Variants in TTN observed in about 807,000 individuals in gnomAD.
TTN encodes titin, also known as connectin.
TTN carries 1,525 observed loss-of-function variants against 3,223.0 expected under a neutral mutation model. The ratio of observed to expected loss-of-function variants is 0.47; its 90% confidence interval spans 0.45 to 0.49. The LOEUF (loss-of-function observed/expected upper bound fraction) is 0.49. TTN is among the 20% of genes least tolerant of loss of function. TTN has a pLI of 0.00. For synonymous variants in TTN, 14,094 were observed against 15,161.0 expected, an observed-to-expected ratio of 0.93 and a Z score of 5.17; for missense variants, 40,786 against 43,424.0, an observed-to-expected ratio of 0.94 and a Z score of 5.40.
At chr2:178,630,662 C>G in intron 238 of TTN, 142 bp downstream of exon 238, 1 of 1,280,058 alleles carries the variant, frequency 7.8e-7, no homozygotes, top group African/African-American at 1.5e-5. Flanking sequence ...ATTCATAGAC[C>G]CTGACATCTC....
chr2:178,741,270 T>G lies in TTN; in HGVS notation c.11963A>C (p.His3988Pro). The change falls in exon 48 of 363, where the codon CAT becomes CCT. Residue 3988 changes from histidine (H) to proline (P), a missense_variant. Coordinates refer to ENST00000589042, the MANE Select transcript of TTN (RefSeq NM_001267550.2). ...LCTSVYYTII[H>P]NPNGSGTFIV... ...GAAAGTTCCAGAGCCATTAGGGTTA[T>G]GAATGATAGTGTAATAAACACTGGT... The G allele has an allele frequency of 6.2e-7, 1 of 1,613,910 alleles. No individual in the cohort carries two copies.
intron 263 of TTN, 22 bp from the exon 264 acceptor site, chr2:178,613,298 T>C: frequency 1.3e-6 from 2 of 1,549,926 alleles, no homozygotes; most frequent in Non-Finnish European, 1.8e-6. Flanking sequence ...ACAAAGTGCA[T>C]GTGTATCATC....
At chr2:178,794,330 A>G in intron 8 of TTN, 69 bp downstream of exon 8, 1 of 1,604,968 alleles carries the variant, frequency 6.2e-7, no homozygotes, top group Admixed American at 1.7e-5. Flanking sequence ...AGCTCAGTGG[A>G]TGGTGGTTGA....
chr2:178,795,879 G>T (rs143431363), intron 6 of TTN, among the ~76,000 whole-genome samples: 88 of 152,260 alleles, frequency 5.8e-4, no homozygotes, highest in African/African-American at 2.0e-3. Flanking sequence ...TGCTTTAGCC[G>T]AAGTGTTTGT....
intron 48 of TTN, 103 bp from the exon 49 acceptor site, chr2:178,738,463 A>C: frequency 7.3e-7 from 1 of 1,371,084 alleles, no homozygotes. Context: ...AAAACAGTTG[A>C]AATTGGTGAG....
At position 178,588,041 on chromosome 2, in the gene TTN, TGCA is replaced by T; in HGVS notation, c.63363_63365del (p.Ala21123del). 1 of 1,613,072 alleles carries T rather than the reference TGCA, an allele frequency of 6.2e-7. No homozygotes were observed. ...TGAATTCCTTGCGTACAAGCTGTGC[TGCA>T]GCATTACACCGTTTCCAGCCTTCAT... is the stretch of plus-strand genomic sequence containing the variant. On this transcript the variant is annotated inframe_deletion, in exon 305 of 363. Coordinates refer to ENST00000589042, the MANE Select transcript of TTN (RefSeq NM_001267550.2).
rs772097745 is a variant in TTN, at chr2:178,544,332, C to A, written c.95897G>T (p.Arg31966Ile). 1 of 1,613,740 alleles carries A rather than the reference C, an allele frequency of 6.2e-7. No individual in the cohort carries two copies. The change falls in exon 345 of 363, where the codon AGA becomes ATA. Residue 31966 changes from arginine (R) to isoleucine (I), a missense_variant. Coordinates refer to ENST00000589042, the MANE Select transcript of TTN (RefSeq NM_001267550.2). The part of the protein sequence containing the change: ...WYRVHTNATI[R>I]NTEFTVPDLK... ...GTCTGGCACAGTGAATTCAGTATTT[C>A]TTATTGTGGCATTGGTATGCACTCG...
In TTN at chr2:178,549,809, G is replaced by C. The variant is rs1180915423; in HGVS notation, c.91913C>G (p.Thr30638Ser). 1 of 1,606,824 alleles carries C rather than the reference G, an allele frequency of 6.2e-7. No homozygotes were observed. The highest frequency in any genetic ancestry group is 8.5e-7 in the Non-Finnish European group (1 of 1,174,574). Residue 30638 changes from threonine (T) to serine (S), a missense_variant, in exon 338 of 363, where the codon ACT (threonine) becomes AGT (serine). Thr to Ser is a moderately conservative substitution (Grantham distance 58). Coordinates refer to ENST00000589042, the MANE Select transcript of TTN (RefSeq NM_001267550.2). ...RFTNITGEKM[T>S]LWWDAPLNDG... ...ATTGAGTGGGGCATCCCACCACAGA[G>C]TCATCTTCTCCCCAGTAATATTGGT...
At chr2:178,610,447 G>A in intron 270 of TTN, 58 bp from the exon 271 acceptor site, 1 of 1,560,880 alleles carries the variant, frequency 6.4e-7, no homozygotes, top group Non-Finnish European at 8.7e-7. Flanking sequence ...TTTTAATAAT[G>A]CACTTGTCTC....
Position 178,727,316 on chromosome 2 carries a change from G to T in TTN, c.20049C>A (p.Asp6683Glu). The T allele has an allele frequency of 6.2e-7, 1 of 1,611,452 alleles. No individual in the cohort carries two copies. Among genetic ancestry groups the T allele is most frequent in the Non-Finnish European group, 8.5e-7 (1 of 1,178,512 alleles). ...CTATCTTGCATTCAAGTCGTGAAGAGTCACCTGCTTTCACAATTTTGGAGG... is the reference window on the plus strand; with the variant it reads ...CTATCTTGCATTCAAGTCGTGAAGATTCACCTGCTTTCACAATTTTGGAGG... ...LEASKIVKAG[D>E]SSRLECKIAG... Residue 6683 changes from aspartate (D) to glutamate (E), a missense_variant, in exon 69 of 363, where the codon GAC becomes GAA. Coordinates refer to ENST00000589042, the MANE Select transcript of TTN (RefSeq NM_001267550.2).
intron 279 of TTN, 44 bp from the exon 280 acceptor site, chr2:178,605,339 A>G: frequency 6.5e-7 from 1 of 1,533,664 alleles, no homozygotes; most frequent in South Asian, 1.3e-5. Context: ...AGTCATAAGG[A>G]TGTTTTTTTC....
chr2:178,547,633 T>C lies in TTN; in HGVS notation c.93993A>G (p.Gly31331=). 6.2e-7 allele frequency: 1 copy of C among 1,613,868 alleles called. No homozygotes were observed. Among genetic ancestry groups the C allele is most frequent in the Non-Finnish European group, 8.5e-7 (1 of 1,179,798 alleles). The change falls in exon 339 of 363, where the codon GGA becomes GGG. Residue 31331 remains glycine, a synonymous_variant. Transcript: ENST00000589042. The part of the protein sequence containing the change: ...VSAESCVLSW[G]EPKDGGGTEI... ...CAGTGCCTCCTCCATCTTTAGGTTC[T>C]CCCCATGACAGGACACACGATTCAG...
rs570400005 is a variant in TTN at position 178,738,110 on chromosome 2, G to A, written c.14343C>T (p.Val4781=). ...TCACAGTTAGTGTGGCTGTACAGCT[G>A]ACACTGCCATACTCATTGGAAGCTT... ...TCKASNEYGS[V]SCTATLTVTE... The change falls in exon 49 of 363, where the codon GTC becomes GTT. Residue 4781 remains valine, a synonymous_variant. Coordinates refer to ENST00000589042, the MANE Select transcript of TTN (RefSeq NM_001267550.2). 97 of 1,613,684 alleles carry A rather than the reference G, an allele frequency of 6.0e-5. No individual in the cohort carries two copies. Among genetic ancestry groups the A allele is most frequent in the Non-Finnish European group, 8.1e-5 (95 of 1,179,678 alleles).
At chr2:178,691,872 G>A in intron 121 of TTN, 144 bp downstream of exon 121, 1 of 564,428 alleles carries the variant, frequency 1.8e-6, no homozygotes. Context: ...CAAGAGCATG[G>A]CACGGAAGCT....
Position 178,689,520 on chromosome 2 carries a change from G to A in TTN, c.31922C>T (p.Pro10641Leu), listed in dbSNP as rs773886361. 32 of 1,609,226 alleles carry A rather than the reference G, an allele frequency of 2.0e-5. No homozygotes were observed. In the African/African-American group the frequency reaches 4.0e-4, roughly 20 times the overall value. The change falls in exon 123 of 363, where the codon CCA (proline) becomes CTA (leucine). Residue 10641 changes from proline to leucine, a missense_variant. Pro to Leu is a moderately conservative substitution (Grantham distance 98). Transcript: ENST00000589042. Reference sequence around the variant, plus strand: ...ATGGAGATGGGATTAAGTACCTGCTGGTGGTGGAGATTCCTCTCTTTGAGT... The same window carrying A: ...ATGGAGATGGGATTAAGTACCTGCTAGTGGTGGAGATTCCTCTCTTTGAGT... The part of the protein sequence containing the change: ...IVTQREESPP[P>L]AVPEIPKKKV...
rs768379988 is a variant in TTN, at chr2:178,534,866, C to A, written c.101749G>T (p.Val33917Leu). ...TCACAGACCTGGTGAACATAACTTA[C>A]AATTTCTCTTTCATTAAGTTCAAAA... ...SAFELNEREI[V>L]SYVHQVCEAL... The change falls in exon 358 of 363, where the codon GTA (valine) becomes TTA (leucine). Residue 33917 changes from valine to leucine, a missense_variant. By Grantham distance (32) the Val-to-Leu change is conservative. Transcript: ENST00000589042. 6.2e-7 allele frequency: 1 copy of A among 1,608,574 alleles called. No individual in the cohort carries two copies.
chr2:178,611,833 C>G lies in TTN; in HGVS notation c.50476G>C (p.Val16826Leu). 3.7e-6 allele frequency: 6 copies of G among 1,613,010 alleles called. No homozygotes were observed. The highest frequency in any genetic ancestry group is 5.1e-6 in the Non-Finnish European group (6 of 1,179,324). ...VIEGTEVQFQ[V>L]RAENEAGVGH... The stretch of plus-strand genomic sequence containing the variant: ...ACTCCAGCTTCATTTTCAGCCCGAA[C>G]CTGAAACTGGACCTCTGTTCCTTCG... The change falls in exon 268 of 363, where the codon GTT becomes CTT. Residue 16826 changes from valine to leucine, a missense_variant. Transcript: ENST00000589042.
At position 178,588,803 on chromosome 2, in the gene TTN, T is replaced by G; in HGVS notation, c.62922A>C (p.Lys20974Asn). 1 of 1,613,360 alleles carries G rather than the reference T, an allele frequency of 6.2e-7. No individual in the cohort carries two copies. Among genetic ancestry groups the G allele is most frequent in the Admixed American group, 1.7e-5 (1 of 59,966 alleles). Residue 20974 changes from lysine (K) to asparagine (N), a missense_variant, in exon 304 of 363, where the codon AAA becomes AAC. Transcript: ENST00000589042. ...CCACAGTCATCTCTTCTTTGCTTAC[T>G]TTAGTGACTTCTGGGGGATCAGGGC... ...PGRPDPPEVTKVSKEEMTVVW... is the reference protein window; with the variant it reads ...PGRPDPPEVTNVSKEEMTVVW...
chr2:178,790,620 G>A (rs2093434465), intron 11 of TTN, 88 bp downstream of exon 11: 5 of 1,597,670 alleles, frequency 3.1e-6, no homozygotes, highest in Non-Finnish European at 3.4e-6. Flanking sequence ...AAGTGAAGAA[G>A]TGATGATTAA....
Sources: allele counts gnomAD v4.1 joint callset (sites outside exome capture counted in the v4.1 genomes callset), GRCh38; gene constraint gnomAD v4.1.1; transcripts MANE v1.5; gene names NCBI Gene and HGNC (gene_info 2026-07-23, HGNC 2026-07-21).